DEUP1: variants seen among roughly 807,000 people sequenced by gnomAD.
DEUP1 encodes deuterosome assembly protein 1.
A neutral mutation model predicts 87.4 loss-of-function variants in DEUP1; 82 were observed. That is an observed-to-expected ratio of 0.94 (90% confidence interval 0.78 to 1.13). The LOEUF is 1.13. Among genes scored for constraint, DEUP1 ranks in the 50% most tolerant of loss-of-function variants. The probability of loss-of-function intolerance (pLI) is 0.00; values close to 1 mark genes in which losing one functional copy is unlikely to be tolerated. For synonymous variants in DEUP1, 214 were observed against 222.7 expected, an observed-to-expected ratio of 0.96 and a Z score of 0.35; for missense variants, 663 against 681.5, an observed-to-expected ratio of 0.97 and a Z score of 0.30.
At chr11:93,386,797 G>T (rs1270355664) in intron 8 of DEUP1, among the ~76,000 whole-genome samples, 2 of 152,156 alleles carry the variant, frequency 1.3e-5, no homozygotes, top group South Asian at 4.1e-4. Context: ...TACATGTAGT[G>T]CTGTTCCAGT....
chr11:93,399,589 TAAC>T (rs1947055778), intron 11 of DEUP1, among the ~76,000 whole-genome samples: 1 of 151,766 alleles, frequency 6.6e-6, no homozygotes, highest in East Asian at 1.9e-4. Flanking sequence ...ATAAAATAAA[TAAC>T]AAAATTTATT....
intron 11 of DEUP1, among the ~76,000 whole-genome samples, chr11:93,396,576 T>C (rs1946952363): frequency 6.6e-6 from 1 of 152,240 alleles, no homozygotes; most frequent in South Asian, 2.1e-4. Context: ...CCAAGCATGC[T>C]ATTTCCTTGC....
intron 5 of DEUP1, among the ~76,000 whole-genome samples, chr11:93,365,980 G>A (rs1945396827): frequency 6.6e-6 from 1 of 152,196 alleles, no homozygotes; most frequent in South Asian, 2.1e-4. Context: ...CCTGACTCAT[G>A]TGTTTGCCCT....
intron 11 of DEUP1, among the ~76,000 whole-genome samples, chr11:93,402,437 G>A (rs967603992): frequency 1.3e-5 from 2 of 151,860 alleles, no homozygotes; most frequent in Non-Finnish European, 2.9e-5. Context: ...CACCTATGGA[G>A]AACAGTATAA....
intron 11 of DEUP1, among the ~76,000 whole-genome samples, chr11:93,406,692 CA>C (rs1947289439): frequency 6.6e-6 from 1 of 151,650 alleles, no homozygotes; most frequent in Non-Finnish European, 1.5e-5. Flanking sequence ...ACATGGAAAA[CA>C]TATTTTCAAC....
intron 9 of DEUP1, 106 bp downstream of exon 9, chr11:93,389,231 T>C (rs1946691960): frequency 1.5e-6 from 1 of 688,092 alleles, no homozygotes; most frequent in Non-Finnish European, 2.5e-6. Flanking sequence ...TTTCCTTCTG[T>C]ATTTTTTTGT....
chr11:93,344,054 A>G (rs1427821616), intron 2 of DEUP1, among the ~76,000 whole-genome samples: 1 of 152,202 alleles, frequency 6.6e-6, no homozygotes, highest in African/African-American at 2.4e-5. Context: ...ATTTTTGTCT[A>G]TGACTCAATA....
At chr11:93,357,107 T>TTAA (rs1944932220) in intron 4 of DEUP1, 64 bp downstream of exon 4, 2 of 972,800 alleles carry the variant, frequency 2.1e-6, no homozygotes, top group Non-Finnish European at 3.1e-6. Flanking sequence ...CCTGTAGAGT[T>TTAA]GTGTTAACTT....
chr11:93,437,569 A>G lies in DEUP1; in HGVS notation c.1665A>G (p.Ala555=), dbSNP rs759422432. 2 of 1,613,562 alleles carry G rather than the reference A, an allele frequency of 1.2e-6. No homozygotes were observed. The highest frequency in any genetic ancestry group is 1.1e-5 in the South Asian group (1 of 91,054). The part of the protein sequence containing the change: ...PLSPPDMSFP[A]SLAAQHFLLE... ...CTCCCCCAGATATGTCCTTCCCAGCATCTTTGGCTGCACAGCATTTCCTTC... is the reference window on the plus strand; with the variant it reads ...CTCCCCCAGATATGTCCTTCCCAGCGTCTTTGGCTGCACAGCATTTCCTTC... Residue 555 remains alanine (A), a synonymous_variant, in exon 14 of 14, where the codon GCA becomes GCG. Transcript: ENST00000298050.
At chr11:93,408,887 C>T (rs531957213) in intron 12 of DEUP1, among the ~76,000 whole-genome samples, 8 of 152,086 alleles carry the variant, frequency 5.3e-5, no homozygotes, top group African/African-American at 1.4e-4. Flanking sequence ...GATGGAGTCT[C>T]GCTCTGTCGC....
At chr11:93,404,291 G>A (rs572005895) in intron 11 of DEUP1, among the ~76,000 whole-genome samples, 189 of 152,076 alleles carry the variant, frequency 1.2e-3, no homozygotes, top group African/African-American at 4.2e-3. Flanking sequence ...CAAGCTTATC[G>A]TCGTAGGCTT....
At chr11:93,350,451 C>T (rs1944570437) in intron 2 of DEUP1, among the ~76,000 whole-genome samples, 2 of 152,176 alleles carry the variant, frequency 1.3e-5, no homozygotes, top group Non-Finnish European at 2.9e-5. Flanking sequence ...TGTCTAGCTA[C>T]AATCTCAGAC....
At chr11:93,412,228 ACAGAGTTCTGTTCCCCAGC>A (rs1947456228) in intron 12 of DEUP1, among the ~76,000 whole-genome samples, 1 of 152,228 alleles carries the variant, frequency 6.6e-6, no homozygotes, top group Non-Finnish European at 1.5e-5. Context: ...TCTCAAGTGG[ACAGAGTTCTGTTCCCCAGC>A]AAAGCAACTG....
At chr11:93,392,150 C>A (rs908342800) in intron 9 of DEUP1, among the ~76,000 whole-genome samples, 2 of 152,160 alleles carry the variant, frequency 1.3e-5, no homozygotes, top group African/African-American at 4.8e-5. Context: ...CTCTAAGTGC[C>A]ATCCCCTAAA....
chr11:93,412,079 G>A (rs1443666912), intron 12 of DEUP1, among the ~76,000 whole-genome samples: 6 of 152,168 alleles, frequency 3.9e-5, no homozygotes, highest in African/African-American at 1.4e-4. Flanking sequence ...GTGTTGGAAG[G>A]TGAGGCTGGA....
chr11:93,367,421 A>G (rs983087175), intron 5 of DEUP1, among the ~76,000 whole-genome samples: 17 of 152,330 alleles, frequency 1.1e-4, no homozygotes, highest in African/African-American at 4.1e-4. Flanking sequence ...ACCATCTTCA[A>G]AACAATAGTA....
chr11:93,356,844 T>A, intron 3 of DEUP1, 104 bp from the exon 4 acceptor site: 1 of 721,040 alleles, frequency 1.4e-6, no homozygotes, highest in Non-Finnish European at 2.4e-6. Context: ...TACTCTTGGT[T>A]TGGTACAGCC....
At chr11:93,404,469 T>C (rs1947210884) in intron 11 of DEUP1, among the ~76,000 whole-genome samples, 1 of 152,016 alleles carries the variant, frequency 6.6e-6, no homozygotes, top group Non-Finnish European at 1.5e-5. Flanking sequence ...AATAGTAACA[T>C]AAAAAATTAG....
At chr11:93,335,730 T>G (rs1943726526) in intron 2 of DEUP1, among the ~76,000 whole-genome samples, 1 of 152,278 alleles carries the variant, frequency 6.6e-6, no homozygotes, top group Non-Finnish European at 1.5e-5. Context: ...TAGTTTACTT[T>G]AATCAATAAT....
Sources: gnomAD v4.1 joint callset for allele counts (sites outside exome capture counted in the v4.1 genomes callset) on GRCh38, gnomAD v4.1.1 for gene constraint, MANE v1.5 for transcripts, NCBI Gene and HGNC (gene_info 2026-07-23, HGNC 2026-07-21) for gene names.